SKAP1: variants seen among roughly 807,000 people sequenced by gnomAD.
SKAP1 encodes src kinase-associated phosphoprotein 1.
In SKAP1, 44 loss-of-function variants were observed where a neutral mutation model predicts 58.5. That is an observed-to-expected ratio of 0.75 (90% CI 0.59 to 0.97). The LOEUF (loss-of-function observed/expected upper bound fraction) is 0.97, where lower values mean the gene tolerates loss of function less well. Ranked by LOEUF, SKAP1 falls within the 50% of genes least tolerant of loss-of-function variation. The pLI, the probability that SKAP1 is intolerant of heterozygous loss-of-function variation, is 0.00. For missense variants in SKAP1, 390 were observed against 435.2 expected, an observed-to-expected ratio of 0.90 and a Z score of 0.92; for synonymous variants, 127 against 149.7, an observed-to-expected ratio of 0.85 and a Z score of 1.11.
chr17:48,267,745 T>G (rs1369777521), intron 4 of SKAP1, among the ~76,000 whole-genome samples: 1 of 152,188 alleles, frequency 6.6e-6, no homozygotes, highest in Non-Finnish European at 1.5e-5. Context: ...CACTTGCTCT[T>G]AAGTATTGAG....
intron 4 of SKAP1, among the ~76,000 whole-genome samples, chr17:48,330,004 G>T (rs1042511613): frequency 2.6e-5 from 4 of 152,152 alleles, no homozygotes; most frequent in Non-Finnish European, 4.4e-5. Flanking sequence ...TAGAAAGCAG[G>T]TACTATTAAT....
chr17:48,243,638 A>C (rs879710673), intron 4 of SKAP1, among the ~76,000 whole-genome samples: 1 of 152,196 alleles, frequency 6.6e-6, no homozygotes, highest in African/African-American at 2.4e-5. Context: ...TTTAATCTGT[A>C]CTAATGGGCC....
chr17:48,152,018 T>A (rs2063908441), intron 11 of SKAP1, among the ~76,000 whole-genome samples: 1 of 152,188 alleles, frequency 6.6e-6, no homozygotes, highest in South Asian at 2.1e-4. Flanking sequence ...GTAAAAGGAT[T>A]TTTGTTCAAA....
chr17:48,412,835 T>C (rs545123923), intron 1 of SKAP1, among the ~76,000 whole-genome samples: 1 of 152,164 alleles, frequency 6.6e-6, no homozygotes, highest in Non-Finnish European at 1.5e-5. Context: ...GTTTTTATTA[T>C]GATTTTACTT....
At chr17:48,255,406 TACTA>T (rs1245656308) in intron 4 of SKAP1, among the ~76,000 whole-genome samples, 2 of 150,240 alleles carry the variant, frequency 1.3e-5, no homozygotes, top group Non-Finnish European at 3.0e-5. Flanking sequence ...TCTGCACCAG[TACTA>T]ACTAAATATA....
At chr17:48,349,798 A>T (rs17696392) in intron 3 of SKAP1, among the ~76,000 whole-genome samples, 23,278 of 152,226 alleles carry the variant, frequency 0.15, 2,427 homozygotes, top group Non-Finnish European at 0.22. Context: ...GAGCAGAAAG[A>T]TAAAGCAGCT....
intron 2 of SKAP1, among the ~76,000 whole-genome samples, chr17:48,387,663 A>G (rs1359016254): frequency 1.3e-5 from 2 of 152,220 alleles, no homozygotes; most frequent in Non-Finnish European, 2.9e-5. Flanking sequence ...TTCTAGTTCA[A>G]TAAAAGAATA....
In SKAP1 at chr17:48,366,567, G is replaced by T. The variant is rs28528180; in HGVS notation, c.153-2753C>A. ...CAGGGGCATATGTAAGCTGAAACTG[G>T]CTGAAACTTAAATACATTGTGAATA... is the stretch of plus-strand genomic sequence containing the variant. On this transcript the variant is annotated intron_variant, in intron 2 of 12. Coordinates refer to ENST00000336915, the MANE Select transcript of SKAP1 (RefSeq NM_003726.4). Among the ~76,000 whole-genome samples, 616 of 152,268 alleles carry T rather than the reference G, an allele frequency of 4.0e-3. 2 individuals carry two copies. The highest frequency in any genetic ancestry group is 0.014 in the African/African-American group (563 of 41,546).
At chr17:48,204,981 C>CTTTCTTTCTTTCT (rs2064781352) in intron 4 of SKAP1, among the ~76,000 whole-genome samples, 1 of 57,034 alleles carries the variant, frequency 1.8e-5, no homozygotes, top group African/African-American at 5.7e-5. Context: ...TCTTTTCTTT[C>CTTTCTTTCTTTCT]TTTCTTTCTT....
intron 4 of SKAP1, among the ~76,000 whole-genome samples, chr17:48,202,140 A>G (rs920350388): frequency 6.6e-6 from 1 of 152,222 alleles, no homozygotes; most frequent in African/African-American, 2.4e-5. Flanking sequence ...GAATCAAATG[A>G]TAATAATTTT....
At chr17:48,169,267 C>T (rs372729630) in intron 10 of SKAP1, among the ~76,000 whole-genome samples, 3 of 152,070 alleles carry the variant, frequency 2.0e-5, no homozygotes, top group East Asian at 3.8e-4. Flanking sequence ...GCTAAAAGAT[C>T]AATGCTTTCT....
At chr17:48,147,116 T>C (rs946016808) in intron 11 of SKAP1, among the ~76,000 whole-genome samples, 1 of 152,206 alleles carries the variant, frequency 6.6e-6, no homozygotes, top group African/African-American at 2.4e-5. Flanking sequence ...AAATATCTCA[T>C]ACTTTTTTGT....
intron 1 of SKAP1, among the ~76,000 whole-genome samples, chr17:48,412,965 A>C (rs1272116905): frequency 6.6e-6 from 1 of 152,012 alleles, no homozygotes; most frequent in Non-Finnish European, 1.5e-5. Flanking sequence ...AAAGTTCACA[A>C]AGATAACTTC....
chr17:48,298,544 T>C (rs1044515937), intron 4 of SKAP1, among the ~76,000 whole-genome samples: 17 of 152,254 alleles, frequency 1.1e-4, no homozygotes, highest in African/African-American at 3.4e-4. Flanking sequence ...CTTTATTTTA[T>C]ATTTCTTATG....
chr17:48,204,630 G>A (rs938678489), intron 4 of SKAP1: 1 of 152,142 alleles, frequency 6.6e-6, no homozygotes, highest in Non-Finnish European at 1.5e-5. Context: ...ATGCCTGGGA[G>A]TTGTCCAGGA....
rs1270973292 is a variant in SKAP1 at position 48,396,788 on chromosome 17, A to G, written c.47-3T>C. The G allele has an allele frequency of 6.2e-7, 1 of 1,606,630 alleles. No homozygotes were observed. The highest frequency in any genetic ancestry group is 8.5e-7 in the Non-Finnish European group (1 of 1,174,148). ...TTCTGCCAGAAACTCTTCAGCATCT[A>G]AAAGAAAAGGAAAGTTGATAAAACA... On this transcript the variant is annotated splice_polypyrimidine_tract_variant and splice_region_variant and intron_variant, in intron 1 of 12. Coordinates refer to ENST00000336915, the MANE Select transcript of SKAP1 (RefSeq NM_003726.4).
intron 11 of SKAP1, among the ~76,000 whole-genome samples, chr17:48,149,219 A>C (rs1157272706): frequency 6.6e-6 from 1 of 152,108 alleles, no homozygotes; most frequent in Non-Finnish European, 1.5e-5. Flanking sequence ...CTATATTTTT[A>C]ATTTTAGCTT....
intron 4 of SKAP1, among the ~76,000 whole-genome samples, chr17:48,339,541 A>T (rs959285632): frequency 1.3e-5 from 2 of 152,188 alleles, no homozygotes; most frequent in African/African-American, 4.8e-5. Flanking sequence ...TTTTCAATCT[A>T]CTAGGGTCCT....
intron 1 of SKAP1, among the ~76,000 whole-genome samples, chr17:48,425,606 T>C (rs1305210101): frequency 1.3e-5 from 2 of 152,216 alleles, no homozygotes; most frequent in Non-Finnish European, 2.9e-5. Context: ...AAAAAGATTC[T>C]GAGCAGCCAA....
Sources: gnomAD v4.1 joint callset for allele counts (sites outside exome capture counted in the v4.1 genomes callset) on GRCh38, gnomAD v4.1.1 for gene constraint, MANE v1.5 for transcripts, NCBI Gene and HGNC (gene_info 2026-07-23, HGNC 2026-07-21) for gene names.